Variants in AGBL4 observed in about 807,000 individuals in gnomAD.
The protein encoded by AGBL4 is cytosolic carboxypeptidase 6.
A neutral mutation model predicts 66.4 loss-of-function variants in AGBL4; 58 were observed. The ratio of observed to expected loss-of-function variants is 0.87; its 90% CI spans 0.71 to 1.09. The LOEUF (loss-of-function observed/expected upper bound fraction) is 1.09, where lower values mean the gene tolerates loss of function less well. Among genes scored for constraint, AGBL4 ranks in the 50% least tolerant of loss-of-function variants. AGBL4 has a pLI of 0.00. For missense variants in AGBL4, 579 were observed against 631.0 expected (o/e 0.92, Z 0.88); for synonymous variants, 234 against 222.9 (o/e 1.05, Z -0.44).
intron 2 of AGBL4, among the ~76,000 whole-genome samples, chr1:49,697,864 T>C (rs1026922275): frequency 6.6e-6 from 1 of 152,180 alleles, no homozygotes; most frequent in South Asian, 2.1e-4. Flanking sequence ...TTGTTTAATT[T>C]TTACAACAGG....
intron 5 of AGBL4, among the ~76,000 whole-genome samples, chr1:48,888,764 G>A (rs138412129): frequency 4.6e-5 from 7 of 152,326 alleles, no homozygotes; most frequent in African/African-American, 1.7e-4. Context: ...TGGAATACAA[G>A]CTCAATGCAG....
chr1:49,567,623 T>C (rs1644240456), intron 3 of AGBL4, among the ~76,000 whole-genome samples: 1 of 152,184 alleles, frequency 6.6e-6, no homozygotes, highest in African/African-American at 2.4e-5. Flanking sequence ...GTTTGTTACA[T>C]AGGGAAACAT....
At chr1:49,231,611 C>T (rs536021105) in intron 4 of AGBL4, among the ~76,000 whole-genome samples, 2 of 152,274 alleles carry the variant, frequency 1.3e-5, no homozygotes, top group African/African-American at 4.8e-5. Context: ...GCAAAAGAGG[C>T]ATATATGCAG....
At chr1:49,959,556 A>C (rs1195339198) in intron 1 of AGBL4, among the ~76,000 whole-genome samples, 1 of 152,058 alleles carries the variant, frequency 6.6e-6, no homozygotes, top group Non-Finnish European at 1.5e-5. Flanking sequence ...TATTTCTTGG[A>C]CGAATTAATA....
intron 6 of AGBL4, among the ~76,000 whole-genome samples, chr1:48,677,621 C>A (rs1646387112): frequency 6.6e-6 from 1 of 152,162 alleles, no homozygotes. Flanking sequence ...TGGCCCCAGT[C>A]CACATGATGA....
intron 6 of AGBL4, among the ~76,000 whole-genome samples, chr1:48,733,876 G>A (rs1157146924): frequency 1.3e-5 from 2 of 152,168 alleles, no homozygotes; most frequent in Non-Finnish European, 2.9e-5. Context: ...GTTTGGAAAT[G>A]AGGCCACAGA....
At chr1:50,004,143 A>G (rs1332528975) in intron 1 of AGBL4, among the ~76,000 whole-genome samples, 2 of 152,224 alleles carry the variant, frequency 1.3e-5, no homozygotes, top group South Asian at 2.1e-4. Context: ...AAAGAAATGC[A>G]GTGATTGTGG....
chr1:49,108,077 T>C (rs1645333391), intron 4 of AGBL4, among the ~76,000 whole-genome samples: 1 of 152,228 alleles, frequency 6.6e-6, no homozygotes, highest in African/African-American at 2.4e-5. Flanking sequence ...TTCAGATCCT[T>C]AGTCCAGCCA....
intron 6 of AGBL4, among the ~76,000 whole-genome samples, chr1:48,837,843 A>G (rs1416768161): frequency 2.7e-5 from 4 of 150,848 alleles, no homozygotes; most frequent in Non-Finnish European, 4.4e-5. Context: ...CTCAAGCCAA[A>G]AGAGCTCTGT....
At chr1:49,793,690 T>A (rs1160474301) in intron 2 of AGBL4, among the ~76,000 whole-genome samples, 1 of 151,924 alleles carries the variant, frequency 6.6e-6, no homozygotes, top group Non-Finnish European at 1.5e-5. Context: ...GTGAAGATGT[T>A]AAGCAGACAG....
At chr1:49,824,480 T>A (rs541934370) in intron 2 of AGBL4, among the ~76,000 whole-genome samples, 118 of 152,280 alleles carry the variant, frequency 7.7e-4, no homozygotes, top group Non-Finnish European at 1.2e-3. Flanking sequence ...GGAAGGCACA[T>A]CAACAAAGAA....
intron 2 of AGBL4, among the ~76,000 whole-genome samples, chr1:49,814,222 G>C (rs1027825728): frequency 1.3e-5 from 2 of 152,108 alleles, no homozygotes; most frequent in African/African-American, 4.8e-5. Context: ...TTTCAGCAGA[G>C]ATGTGAATGA....
chr1:48,764,310 A>G (rs1425975631), intron 6 of AGBL4, among the ~76,000 whole-genome samples: 1 of 152,226 alleles, frequency 6.6e-6, no homozygotes, highest in Non-Finnish European at 1.5e-5. Context: ...TATGAATTGA[A>G]GTGAATAATT....
intron 3 of AGBL4, among the ~76,000 whole-genome samples, chr1:49,305,667 C>T (rs1419913530): frequency 1.3e-5 from 2 of 150,864 alleles, no homozygotes; most frequent in South Asian, 2.1e-4. Context: ...TATTACTGGT[C>T]TCGGAAAGTA....
At chr1:48,612,716 G>A (rs1645257323) in intron 9 of AGBL4, among the ~76,000 whole-genome samples, 1 of 152,238 alleles carries the variant, frequency 6.6e-6, no homozygotes, top group African/African-American at 2.4e-5. Flanking sequence ...ATAAATATTT[G>A]TATTAAAAGA....
At chr1:49,470,874 G>A (rs898833143) in intron 3 of AGBL4, among the ~76,000 whole-genome samples, 5 of 152,010 alleles carry the variant, frequency 3.3e-5, no homozygotes, top group African/African-American at 1.2e-4. Context: ...TGCTGCTGCT[G>A]TACCTGCGGC....
chr1:49,837,188 G>A (rs1002394954), intron 2 of AGBL4, among the ~76,000 whole-genome samples: 1 of 152,202 alleles, frequency 6.6e-6, no homozygotes, highest in Non-Finnish European at 1.5e-5. Context: ...TCTGTCCAAG[G>A]GAGATGGGAG....
intron 1 of AGBL4, among the ~76,000 whole-genome samples, chr1:49,990,004 G>A (rs1220195998): frequency 2.0e-5 from 3 of 152,114 alleles, no homozygotes; most frequent in Non-Finnish European, 4.4e-5. Context: ...TAGTGAGTGA[G>A]GGGTGGAAGG....
chr1:49,109,821 C>T (rs1407019699), intron 4 of AGBL4, among the ~76,000 whole-genome samples: 1 of 152,130 alleles, frequency 6.6e-6, no homozygotes, highest in African/African-American at 2.4e-5. Flanking sequence ...CATGCATCAT[C>T]CAACATCACA....
Sources: gnomAD v4.1 joint callset for allele counts (sites outside exome capture counted in the v4.1 genomes callset) on GRCh38, gnomAD v4.1.1 for gene constraint, MANE v1.5 for transcripts, NCBI Gene and HGNC (gene_info 2026-07-23, HGNC 2026-07-21) for gene names.